Variants in SGCZ observed in about 807,000 individuals in gnomAD.
SGCZ encodes the protein sarcoglycan zeta.
SGCZ carries 40 observed loss-of-function variants against 41.3 expected under a neutral mutation model. The observed-to-expected ratio is 0.97, with a 90% CI of 0.75 to 1.26. The LOEUF (loss-of-function observed/expected upper bound fraction) is 1.26. Among genes scored for constraint, SGCZ ranks in the 50% most tolerant of loss-of-function variants. SGCZ has a pLI of 0.00. For missense variants in SGCZ, 552 were observed against 369.8 expected (o/e 1.49, Z -4.04); for synonymous variants, 206 against 137.5 (o/e 1.50, Z -3.49).
intron 4 of SGCZ, among the ~76,000 whole-genome samples, chr8:14,218,060 C>T (rs13252153): frequency 0.24 from 36,238 of 152,088 alleles, 5,556 homozygotes; most frequent in Non-Finnish European, 0.34. Flanking sequence ...TCCCCCAAGC[C>T]TAGGAACAAG....
intron 1 of SGCZ, among the ~76,000 whole-genome samples, chr8:14,943,424 A>T (rs1321407563): frequency 6.6e-6 from 1 of 152,180 alleles, no homozygotes; most frequent in African/African-American, 2.4e-5. Context: ...AACAAATAAA[A>T]TGTTGACTCT....
At position 14,499,522 on chromosome 8, in the gene SGCZ, C is replaced by A. The variant is rs113153545; in HGVS notation, c.234+55210G>T. ...TCTGAGCATTTCTGTTTGTCATTGGCTCCTTTAACTTATTTGAATTTATTA... is the reference window on the plus strand; with the variant it reads ...TCTGAGCATTTCTGTTTGTCATTGGATCCTTTAACTTATTTGAATTTATTA... On this transcript the variant is annotated intron_variant, in intron 2 of 7. Transcript: ENST00000382080. Among the ~76,000 whole-genome samples, 1,372 of 151,974 alleles carry A rather than the reference C, an allele frequency of 9.0e-3. 18 individuals carry two copies. The highest frequency in any genetic ancestry group is 0.031 in the African/African-American group (1,297 of 41,502).
chr8:14,761,023 G>A (rs1799854580), intron 1 of SGCZ, among the ~76,000 whole-genome samples: 1 of 152,118 alleles, frequency 6.6e-6, no homozygotes, highest in South Asian at 2.1e-4. Context: ...TCGAAGATAA[G>A]TTGCAACACA....
intron 1 of SGCZ, among the ~76,000 whole-genome samples, chr8:15,226,493 A>G (rs956470389): frequency 2.6e-4 from 40 of 152,204 alleles, no homozygotes; most frequent in African/African-American, 8.4e-4. Flanking sequence ...AGCAGCTACT[A>G]TGAAGTTTAA....
chr8:14,280,797 T>C (rs995957634), intron 3 of SGCZ, among the ~76,000 whole-genome samples: 25 of 25,218 alleles, frequency 9.9e-4, no homozygotes, highest in Non-Finnish European at 1.4e-3. Context: ...TTTTAAACTA[T>C]AGGGTTTTTT....
At chr8:14,234,788 A>G (rs995400415) in intron 4 of SGCZ, among the ~76,000 whole-genome samples, 4 of 152,192 alleles carry the variant, frequency 2.6e-5, no homozygotes, top group Admixed American at 2.0e-4. Context: ...TCATTCAAGT[A>G]TGTCTTCAAA....
chr8:14,246,161 G>T (rs548420510), intron 3 of SGCZ, among the ~76,000 whole-genome samples: 1 of 152,066 alleles, frequency 6.6e-6, no homozygotes, highest in African/African-American at 2.4e-5. Flanking sequence ...TGTTTATTGC[G>T]GCTGTATTCA....
chr8:14,103,674 A>AACTT (rs1192631985), intron 6 of SGCZ, among the ~76,000 whole-genome samples: 2 of 151,998 alleles, frequency 1.3e-5, no homozygotes, highest in Non-Finnish European at 2.9e-5. Context: ...TCACCAAAGC[A>AACTT]ACTTAAAAAT....
intron 3 of SGCZ, among the ~76,000 whole-genome samples, chr8:14,264,755 A>T (rs1280607717): frequency 6.6e-6 from 1 of 151,998 alleles, no homozygotes; most frequent in Admixed American, 6.6e-5. Context: ...AGGTCAGGAG[A>T]CCAAGACCAT....
intron 4 of SGCZ, among the ~76,000 whole-genome samples, chr8:14,234,057 G>C (rs13254655): frequency 0.51 from 77,771 of 151,838 alleles, 22,852 homozygotes; most frequent in Non-Finnish European, 0.66. Context: ...CCTAGACTTA[G>C]TGGGGGAAAT....
At chr8:14,583,977 G>GGTTTT (rs911160775) in intron 1 of SGCZ, among the ~76,000 whole-genome samples, 2 of 152,064 alleles carry the variant, frequency 1.3e-5, no homozygotes, top group African/African-American at 2.4e-5. Flanking sequence ...GTAATATTGT[G>GGTTTT]GTTTTGTTTT....
intron 1 of SGCZ, among the ~76,000 whole-genome samples, chr8:15,130,990 G>C (rs1807876420): frequency 6.6e-6 from 1 of 152,128 alleles, no homozygotes; most frequent in Non-Finnish European, 1.5e-5. Flanking sequence ...GAACTCAGCA[G>C]CCTGTAGTTT....
At chr8:14,720,065 C>G (rs967447876) in intron 1 of SGCZ, among the ~76,000 whole-genome samples, 3 of 152,026 alleles carry the variant, frequency 2.0e-5, no homozygotes, top group African/African-American at 7.2e-5. Flanking sequence ...TTTCAGCTTT[C>G]TACATATGGC....
chr8:14,916,388 A>G (rs1244677392), intron 1 of SGCZ, among the ~76,000 whole-genome samples: 1 of 152,192 alleles, frequency 6.6e-6, no homozygotes, highest in Non-Finnish European at 1.5e-5. Context: ...TTTACCACAT[A>G]TAGACATAGA....
At chr8:15,111,771 G>A (rs1046580870) in intron 1 of SGCZ, among the ~76,000 whole-genome samples, 17 of 151,920 alleles carry the variant, frequency 1.1e-4, no homozygotes, top group South Asian at 4.2e-4. Flanking sequence ...GTGGTGGCGC[G>A]TGTCTGTAAT....
chr8:14,564,422 C>T (rs1231841146), intron 1 of SGCZ, among the ~76,000 whole-genome samples: 15 of 152,170 alleles, frequency 9.9e-5, no homozygotes, highest in African/African-American at 3.6e-4. Flanking sequence ...GAGTTCAGAT[C>T]CCAGCTTGTC....
chr8:14,092,932 A>G (rs1449209087), intron 7 of SGCZ, among the ~76,000 whole-genome samples: 1 of 152,064 alleles, frequency 6.6e-6, no homozygotes, highest in Non-Finnish European at 1.5e-5. Context: ...ACCTATGTTC[A>G]ATACCTACTT....
chr8:15,010,792 C>G (rs1802798472), intron 1 of SGCZ, among the ~76,000 whole-genome samples: 1 of 152,180 alleles, frequency 6.6e-6, no homozygotes, highest in African/African-American at 2.4e-5. Context: ...CCTTCTGGAT[C>G]TCCTCTCAAG....
chr8:14,476,285 C>A (rs1180715490), intron 2 of SGCZ, among the ~76,000 whole-genome samples: 1 of 151,998 alleles, frequency 6.6e-6, no homozygotes, highest in Non-Finnish European at 1.5e-5. Flanking sequence ...GGACCTGCCC[C>A]AAGAGAACAA....
Sources: gnomAD v4.1 joint callset for allele counts (sites outside exome capture counted in the v4.1 genomes callset) on GRCh38, gnomAD v4.1.1 for gene constraint, MANE v1.5 for transcripts, NCBI Gene and HGNC (gene_info 2026-07-23, HGNC 2026-07-21) for gene names.